Variants in SLC9A7 observed in about 807,000 individuals in gnomAD.
SLC9A7 encodes sodium/hydrogen exchanger 7.
Under a neutral mutation model 52.6 loss-of-function variants are expected in SLC9A7, and 19 were observed. The observed-to-expected ratio is 0.36, with a 90% confidence interval of 0.25 to 0.53. SLC9A7 has a LOEUF of 0.53. Among genes scored for constraint, SLC9A7 ranks in the 20% least tolerant of loss-of-function variants. The pLI is 0.91. For missense variants in SLC9A7, 455 were observed against 597.9 expected (o/e 0.76, Z 2.49); for synonymous variants, 226 against 252.1 (o/e 0.90, Z 0.98).
In SLC9A7 at chrX:46,606,855, A is replaced by G; in HGVS notation, c.*97T>C. Reference sequence around the variant, plus strand: ...CCCAATAAAATAGAAGAGTTAGTTCAATCTAGTCACTGCCCCACCTCCAAC... The same window carrying G: ...CCCAATAAAATAGAAGAGTTAGTTCGATCTAGTCACTGCCCCACCTCCAAC... On this transcript the variant is annotated 3_prime_UTR_variant, in exon 17 of 17. Transcript: ENST00000616978. 8.5e-7 allele frequency: 1 copy of G among 1,176,906 alleles called. No homozygotes were observed. The highest frequency in any genetic ancestry group is 1.8e-5 in the African/African-American group (1 of 56,896).
At chrX:46,737,869 T>TA (rs1294419601) in intron 1 of SLC9A7, among the ~76,000 whole-genome samples, 25 of 105,888 alleles carry the variant, frequency 2.4e-4, no homozygotes, top group African/African-American at 5.9e-4. Context: ...TCTACAAAAT[T>TA]AAAAAAAAAC....
At chrX:46,607,608 G>A (rs973304442) in intron 16 of SLC9A7, among the ~76,000 whole-genome samples, 3 of 110,849 alleles carry the variant, frequency 2.7e-5, no homozygotes, top group African/African-American at 9.9e-5. Flanking sequence ...TATACAAACC[G>A]TCTCCAACCC....
chrX:46,713,279 C>T (rs1944718549), intron 1 of SLC9A7, among the ~76,000 whole-genome samples: 1 of 110,191 alleles, frequency 9.1e-6, no homozygotes, highest in Non-Finnish European at 1.9e-5. Flanking sequence ...GCGGGTGGAT[C>T]ATCTGAGCTC....
At chrX:46,697,424 G>A (rs773300414) in intron 1 of SLC9A7, among the ~76,000 whole-genome samples, 126 of 112,040 alleles carry the variant, frequency 1.1e-3, no homozygotes, top group African/African-American at 3.8e-3. Flanking sequence ...TGAAGCCACG[G>A]CAGAAGAATG....
rs972897665 is a variant in SLC9A7 at position 46,672,590 on chromosome X, T to C, written c.641A>G (p.Tyr214Cys). Residue 214 changes from tyrosine (Y) to cysteine (C), a missense_variant, in exon 4 of 17, where the codon TAT (tyrosine) becomes TGT (cysteine). This residue lies in a region of SLC9A7 where 304 missense variants were observed against 417.8 expected (regional missense o/e 0.73). Coordinates refer to ENST00000616978, the MANE Select transcript of SLC9A7 (RefSeq NM_001257291.2). ...FFRNLGSILA[Y>C]AFLGTAVSCF... ...TGAAACAGCAGTCCCCAAGAAGGCA[T>C]AGGCCAGTATAGATCCAAGATTTCT... 21 of 1,204,006 alleles carry C rather than the reference T, an allele frequency of 1.7e-5. No homozygotes were observed. Among genetic ancestry groups the C allele is most frequent in the South Asian group, 1.3e-4 (7 of 55,794 alleles).
intron 1 of SLC9A7, among the ~76,000 whole-genome samples, chrX:46,753,296 C>G (rs982413887): frequency 8.9e-6 from 1 of 112,001 alleles, no homozygotes; most frequent in Non-Finnish European, 1.9e-5. Flanking sequence ...TCTCTCCCAA[C>G]AACTCATCCT....
intron 3 of SLC9A7, among the ~76,000 whole-genome samples, chrX:46,677,942 A>T (rs1944145170): frequency 8.9e-6 from 1 of 111,742 alleles, no homozygotes; most frequent in Non-Finnish European, 1.9e-5. Context: ...CTTTCAAGGA[A>T]TTTGTCCATT....
At chrX:46,633,792 C>T (rs1943273119) in intron 13 of SLC9A7, among the ~76,000 whole-genome samples, 1 of 109,899 alleles carries the variant, frequency 9.1e-6, no homozygotes, top group Non-Finnish European at 1.9e-5. Flanking sequence ...CTGACTCAGC[C>T]TCCCGAGCAG....
At chrX:46,736,949 G>T (rs764001127) in intron 1 of SLC9A7, among the ~76,000 whole-genome samples, 10 of 111,379 alleles carry the variant, frequency 9.0e-5, no homozygotes, top group Non-Finnish European at 1.9e-4. Flanking sequence ...TGTGAACCTG[G>T]GTCTTGGGGT....
At chrX:46,708,107 C>A (rs980859630) in intron 1 of SLC9A7, among the ~76,000 whole-genome samples, 1 of 112,259 alleles carries the variant, frequency 8.9e-6, no homozygotes, top group Admixed American at 9.4e-5. Context: ...CACAAGAGCT[C>A]GAGACCAGCC....
Position 46,602,414 on chromosome X carries a change from G to C in SLC9A7, c.*4538C>G, listed in dbSNP as rs928277703. ...TTAAAATCAGATTCCAAATAGTCTAGAGGTCTGCTGCGAGCTCTAGACTAA... is the reference window on the plus strand; with the variant it reads ...TTAAAATCAGATTCCAAATAGTCTACAGGTCTGCTGCGAGCTCTAGACTAA... On this transcript the variant is annotated 3_prime_UTR_variant, in exon 17 of 17. Transcript: ENST00000616978. 1 of 111,645 alleles carries C rather than the reference G, an allele frequency of 9.0e-6. No homozygotes were observed. The highest frequency in any genetic ancestry group is 3.3e-5 in the African/African-American group (1 of 30,674). 9.2% of individuals were successfully genotyped at this position (111,645 alleles called of 1,213,427 possible).
At chrX:46,686,980 T>C (rs1944305447) in intron 1 of SLC9A7, among the ~76,000 whole-genome samples, 1 of 112,300 alleles carries the variant, frequency 8.9e-6, no homozygotes. Context: ...CTTGCATATA[T>C]ATAGTTTATG....
intron 1 of SLC9A7, among the ~76,000 whole-genome samples, chrX:46,741,464 G>A (rs1921345450): frequency 1.8e-5 from 2 of 110,941 alleles, no homozygotes; most frequent in South Asian, 7.6e-4. Context: ...TAGAAAGTCC[G>A]GAAATAGATC....
chrX:46,661,783 A>C (rs772336281), intron 7 of SLC9A7, among the ~76,000 whole-genome samples: 9 of 111,966 alleles, frequency 8.0e-5, no homozygotes, highest in Admixed American at 6.7e-4. Flanking sequence ...AGAAACAGCA[A>C]AGGTGAAGAC....
chrX:46,657,232 T>C (rs1050634629), intron 7 of SLC9A7, among the ~76,000 whole-genome samples: 33 of 110,306 alleles, frequency 3.0e-4, no homozygotes, highest in African/African-American at 1.1e-3. Flanking sequence ...ACACTAAACA[T>C]AGAAAGGAAC....
intron 1 of SLC9A7, among the ~76,000 whole-genome samples, chrX:46,722,246 G>A (rs1263119726): frequency 8.9e-6 from 1 of 111,900 alleles, no homozygotes; most frequent in African/African-American, 3.3e-5. Flanking sequence ...GTTTTATTAT[G>A]TTTTAAAATC....
chrX:46,607,807 G>T (rs1942775839), intron 16 of SLC9A7, among the ~76,000 whole-genome samples: 2 of 111,381 alleles, frequency 1.8e-5, no homozygotes, highest in East Asian at 2.8e-4. Flanking sequence ...GCAACCACTT[G>T]AACTATCAGA....
intron 1 of SLC9A7, among the ~76,000 whole-genome samples, chrX:46,748,037 T>A (rs1432577732): frequency 9.0e-6 from 1 of 111,294 alleles, no homozygotes; most frequent in Non-Finnish European, 1.9e-5. Context: ...CACTCCTAGG[T>A]ATACAGCCAA....
intron 13 of SLC9A7, among the ~76,000 whole-genome samples, chrX:46,634,238 A>G (rs1238498444): frequency 3.6e-5 from 4 of 111,640 alleles, no homozygotes; most frequent in Non-Finnish European, 7.5e-5. Context: ...CTTTATTTTC[A>G]TTAGGAATTA....
Sources: gnomAD v4.1 joint callset for allele counts (sites outside exome capture counted in the v4.1 genomes callset) on GRCh38, gnomAD v4.1.1 for gene constraint, gnomAD v4.1.1 regional missense constraint, MANE v1.5 for transcripts, NCBI Gene and HGNC (gene_info 2026-07-23, HGNC 2026-07-21) for gene names.